SERPINB11: variants seen among roughly 807,000 people sequenced by gnomAD.
SERPINB11 encodes serpin B11.
In SERPINB11, 32 loss-of-function variants were observed where a neutral mutation model predicts 36.7. The ratio of observed to expected loss-of-function variants is 0.87; its 90% confidence interval spans 0.66 to 1.17. The LOEUF (loss-of-function observed/expected upper bound fraction) is 1.17. Ranked by LOEUF, SERPINB11 falls within the 50% of genes most tolerant of loss-of-function variation. The pLI is 0.00. For synonymous variants in SERPINB11, 174 were observed against 168.1 expected (o/e 1.04, Z -0.27); for missense variants, 528 against 458.4 (o/e 1.15, Z -1.39).
chr18:63,718,601 C>T (rs1483267863), intron 5 of SERPINB11, among the ~76,000 whole-genome samples: 2 of 151,888 alleles, frequency 1.3e-5, no homozygotes, highest in Non-Finnish European at 2.9e-5. Flanking sequence ...ATATACTTTA[C>T]TTTTGTATAT....
chr18:63,705,445 G>A (rs955290617), intron 1 of SERPINB11: 5 of 152,138 alleles, frequency 3.3e-5, no homozygotes, highest in African/African-American at 9.7e-5. Context: ...AAAAGAATAT[G>A]CTTTAAACAA....
chr18:63,712,934 A>G (rs1042454606), intron 4 of SERPINB11, among the ~76,000 whole-genome samples: 1 of 152,242 alleles, frequency 6.6e-6, no homozygotes, highest in African/African-American at 2.4e-5. Flanking sequence ...TCAGGGATGA[A>G]GCACAAAACA....
At chr18:63,704,770 T>C (rs1914327600) in intron 1 of SERPINB11, among the ~76,000 whole-genome samples, 1 of 152,216 alleles carries the variant, frequency 6.6e-6, no homozygotes, top group African/African-American at 2.4e-5. Context: ...AGATTCTGAA[T>C]AATACACATA....
In SERPINB11 at chr18:63,720,969, A is replaced by G; in HGVS notation, c.757A>G (p.Ile253Val). The G allele has an allele frequency of 6.2e-7, 1 of 1,608,984 alleles. No individual in the cohort carries two copies. Among genetic ancestry groups the G allele is most frequent in the Non-Finnish European group, 8.5e-7 (1 of 1,178,128 alleles). ...CATGATTATTCTGCTTCCAGTAGGC[A>G]TAGCTAATCTGAAACAGGTAAAATT... Reference protein sequence around the residue: ...LSMIILLPVGIANLKQIEKQL... With the variant: ...LSMIILLPVGVANLKQIEKQL... The change falls in exon 7 of 8, where the codon ATA becomes GTA. Residue 253 changes from isoleucine to valine, a missense_variant. Ile to Val is a conservative substitution (Grantham distance 29, BLOSUM62 3). Coordinates refer to ENST00000544088, the MANE Select transcript of SERPINB11 (RefSeq NM_001370475.1).
intron 7 of SERPINB11, among the ~76,000 whole-genome samples, 180 bp downstream of exon 7, chr18:63,721,166 GAC>G (rs1480914761): frequency 2.0e-5 from 3 of 152,216 alleles, no homozygotes; most frequent in African/African-American, 7.2e-5. Flanking sequence ...TGCCTTTCAG[GAC>G]AGTGTGTTTA....
chr18:63,719,138 C>T (rs532714769), intron 5 of SERPINB11, among the ~76,000 whole-genome samples: 1 of 152,086 alleles, frequency 6.6e-6, no homozygotes, highest in African/African-American at 2.4e-5. Context: ...AATTTTTTGG[C>T]ACGAATGAAA....
At chr18:63,703,204 C>G (rs1914284149) in intron 1 of SERPINB11, among the ~76,000 whole-genome samples, 198 bp downstream of exon 1, 1 of 152,154 alleles carries the variant, frequency 6.6e-6, no homozygotes, top group Admixed American at 6.5e-5. Context: ...TGATAGTGTG[C>G]ATTTAAAAAT....
intron 1 of SERPINB11, among the ~76,000 whole-genome samples, chr18:63,709,222 A>C (rs1914450085): frequency 6.6e-6 from 1 of 152,144 alleles, no homozygotes; most frequent in Admixed American, 6.6e-5. Flanking sequence ...CTCCAGGCTG[A>C]GATCTCTGAC....
intron 6 of SERPINB11, 81 bp downstream of exon 6, chr18:63,720,236 A>G: frequency 8.1e-7 from 1 of 1,240,240 alleles, no homozygotes; most frequent in Non-Finnish European, 1.1e-6. Context: ...AGATGTAGTG[A>G]TTTAGTGAAA....
rs576592626 is a variant in SERPINB11 at position 63,718,521 on chromosome 18, G to T, written c.476-1492G>T. ...TTTTTTGATAAACTGATCCTAGGTG[G>T]TATTTGAGGTGTTTGGTGAATTTTA... On this transcript the variant is annotated intron_variant, in intron 5 of 7. Coordinates refer to ENST00000544088, the MANE Select transcript of SERPINB11 (RefSeq NM_001370475.1). 5.9e-5 allele frequency among the ~76,000 whole-genome samples: 9 copies of T among 151,944 alleles called. No homozygotes were observed. The South Asian group carries it at 1.9e-3, about 31-fold the overall frequency.
chr18:63,723,119 T>G lies in SERPINB11; in HGVS notation c.899T>G (p.Leu300Arg). 6.2e-7 allele frequency: 1 copy of G among 1,607,946 alleles called. No individual in the cohort carries two copies. Among genetic ancestry groups the G allele is most frequent in the Non-Finnish European group, 8.5e-7 (1 of 1,176,756 alleles). Residue 300 changes from leucine to arginine, a missense_variant, in exon 8 of 8, where the codon CTG becomes CGG. By Grantham distance (102) the Leu-to-Arg change is moderately radical (BLOSUM62 -2). Coordinates refer to ENST00000544088, the MANE Select transcript of SERPINB11 (RefSeq NM_001370475.1). Reference sequence around the variant, plus strand: ...GAAACTAAGTATGAGCTAAATTCCCTGTTAAAATCTCTAGGGGTGACAGAT... The same window carrying G: ...GAAACTAAGTATGAGCTAAATTCCCGGTTAAAATCTCTAGGGGTGACAGAT... The part of the protein sequence containing the change: ...KLETKYELNS[L>R]LKSLGVTDLF...
At chr18:63,709,349 C>T (rs900816328) in intron 1 of SERPINB11, among the ~76,000 whole-genome samples, 3 of 152,102 alleles carry the variant, frequency 2.0e-5, no homozygotes, top group African/African-American at 7.2e-5. Flanking sequence ...TGGTGGCTCA[C>T]GCCTGTAATC....
rs1416715701 is a variant in SERPINB11 at position 63,723,375 on chromosome 18, C to A, written c.1155C>A (p.Phe385Leu). The stretch of plus-strand genomic sequence containing the variant: ...ACACTCATACCAACACGATCCTATT[C>A]TGTGGCAAGCTTGCCTCTCCCTAAT... Reference protein sequence around the residue: ...IRHTHTNTILFCGKLASP With the variant: ...IRHTHTNTILLCGKLASP Residue 385 changes from phenylalanine (F) to leucine (L), a missense_variant, in exon 8 of 8, where the codon TTC becomes TTA. Coordinates refer to ENST00000544088, the MANE Select transcript of SERPINB11 (RefSeq NM_001370475.1). 1 of 1,607,806 alleles carries A rather than the reference C, an allele frequency of 6.2e-7. No individual in the cohort carries two copies. The highest frequency in any genetic ancestry group is 1.3e-5 in the African/African-American group (1 of 74,940).
intron 5 of SERPINB11, among the ~76,000 whole-genome samples, chr18:63,719,312 G>A (rs1914745313): frequency 6.6e-6 from 1 of 152,028 alleles, no homozygotes; most frequent in African/African-American, 2.4e-5. Context: ...TCACATGCTA[G>A]GATTGTGTTA....
chr18:63,710,180 C>T lies in SERPINB11; in HGVS notation c.-14C>T, dbSNP rs377459645. 3 of 1,597,934 alleles carry T rather than the reference C, an allele frequency of 1.9e-6. No homozygotes were observed. Among genetic ancestry groups the T allele is most frequent in the East Asian group, 4.5e-5 (2 of 44,364 alleles). The stretch of plus-strand genomic sequence containing the variant: ...GAATTTTTTCCCTTCTGTTCTCAGG[C>T]AGTCGGCATAAAAATGGGTTCTCTC... On this transcript the variant is annotated splice_region_variant and 5_prime_UTR_variant, in exon 2 of 8. Transcript: ENST00000544088.
At chr18:63,714,195 C>G (rs964318801) in intron 4 of SERPINB11, among the ~76,000 whole-genome samples, 4 of 152,102 alleles carry the variant, frequency 2.6e-5, no homozygotes, top group Admixed American at 2.0e-4. Flanking sequence ...TGAAGCCCCC[C>G]AAGCCGCAAA....
At chr18:63,711,426 C>G in intron 3 of SERPINB11, 32 bp downstream of exon 3, 6 of 1,479,340 alleles carry the variant, frequency 4.1e-6, no homozygotes, top group Non-Finnish European at 5.6e-6. Context: ...GTCAAATGCT[C>G]TTTAACCTAA....
intron 1 of SERPINB11, among the ~76,000 whole-genome samples, chr18:63,707,563 C>T (rs185204422): frequency 2.2e-4 from 34 of 152,318 alleles, no homozygotes; most frequent in African/African-American, 7.9e-4. Flanking sequence ...GCTCTTCTTA[C>T]ATGTATATAC....
chr18:63,710,960 C>A (rs1401534895), intron 2 of SERPINB11, among the ~76,000 whole-genome samples: 1 of 152,150 alleles, frequency 6.6e-6, no homozygotes, highest in Non-Finnish European at 1.5e-5. Context: ...TGCTGGGAAA[C>A]CATGTAAGGT....
Sources: allele counts gnomAD v4.1 joint callset (sites outside exome capture counted in the v4.1 genomes callset), GRCh38; gene constraint gnomAD v4.1.1; transcripts MANE v1.5; gene names NCBI Gene and HGNC (gene_info 2026-07-23, HGNC 2026-07-21).